PLEKHH1: variants seen among roughly 807,000 people sequenced by gnomAD.
The protein encoded by PLEKHH1 is pleckstrin homology domain-containing family H member 1.
Under a neutral mutation model 160.0 loss-of-function variants are expected in PLEKHH1, and 104 were observed. The ratio of observed to expected loss-of-function variants is 0.65; its 90% CI spans 0.55 to 0.76. The LOEUF is 0.76. PLEKHH1 is among the 30% of genes least tolerant of loss of function. The pLI, the probability that PLEKHH1 is intolerant of heterozygous loss-of-function variation, is 0.00. For missense variants in PLEKHH1, 1,427 were observed against 1,724.1 expected (o/e 0.83, Z 3.05); for synonymous variants, 619 against 678.4 (o/e 0.91, Z 1.36).
intron 1 of PLEKHH1, among the ~76,000 whole-genome samples, chr14:67,539,973 C>T (rs1045276282): frequency 2.0e-5 from 3 of 152,098 alleles, no homozygotes; most frequent in Non-Finnish European, 2.9e-5. Flanking sequence ...AGGGGAGAAG[C>T]ACGATTGGTG....
rs2036114291 is a variant in PLEKHH1, at chr14:67,585,588, G to A, written c.3720G>A (p.Lys1240=). ...FAAQPAQLSS[K]ENALVWIAVN... Reference sequence around the variant, plus strand: ...CCCAGCCTGCCCAGCTGTCTTCCAAGGAGAACGCTCTGGTGTGGATTGCTG... The same window carrying A: ...CCCAGCCTGCCCAGCTGTCTTCCAAAGAGAACGCTCTGGTGTGGATTGCTG... Residue 1240 remains lysine (K), a synonymous_variant, in exon 27 of 29, where the codon AAG becomes AAA. Transcript: ENST00000329153. The A allele has an allele frequency of 1.3e-6, 2 of 1,583,764 alleles. No individual in the cohort carries two copies. The highest frequency in any genetic ancestry group is 8.6e-7 in the Non-Finnish European group (1 of 1,163,828).
intron 21 of PLEKHH1, 168 bp from the exon 22 acceptor site, chr14:67,579,553 C>T (rs2035791147): frequency 2.9e-6 from 2 of 687,040 alleles, no homozygotes; most frequent in South Asian, 4.0e-5. Flanking sequence ...GATAAGCTCA[C>T]ATCCCTCATG....
At chr14:67,565,393 A>G (rs1345880829) in intron 7 of PLEKHH1, among the ~76,000 whole-genome samples, 2 of 152,076 alleles carry the variant, frequency 1.3e-5, no homozygotes, top group Admixed American at 1.3e-4. Context: ...ACAGGTGCAC[A>G]CCACCACACC....
At chr14:67,583,222 G>T (rs1325923670) in intron 24 of PLEKHH1, among the ~76,000 whole-genome samples, 3 of 152,128 alleles carry the variant, frequency 2.0e-5, no homozygotes. Context: ...TCTCTAGGAG[G>T]CCCTGTACTA....
Position 67,577,373 on chromosome 14 carries a change from C to A in PLEKHH1, c.2533C>A (p.Pro845Thr). Residue 845 changes from proline (P) to threonine (T), a missense_variant, in exon 18 of 29, where the codon CCC becomes ACC. Physicochemically the swap from Pro to Thr is conservative, Grantham distance 38. Transcript: ENST00000329153. ...DGLYASLTTLPSEALQTEALK... is the reference protein window; with the variant it reads ...DGLYASLTTLTSEALQTEALK... ...CCTATACGCCTCCCTCACCACCCTG[C>A]CCTCTGAGGCCTTGCAGACGGAGGC... The A allele has an allele frequency of 6.3e-7, 1 of 1,591,374 alleles. No individual in the cohort carries two copies. The highest frequency in any genetic ancestry group is 8.6e-7 in the Non-Finnish European group (1 of 1,169,350).
chr14:67,570,321 C>T, intron 9 of PLEKHH1: 1 of 1,085,832 alleles, frequency 9.2e-7, no homozygotes, highest in Non-Finnish European at 1.1e-6. Flanking sequence ...CAGTGGGGCT[C>T]CTTCTAGAAT....
chr14:67,579,963 C>A, intron 22 of PLEKHH1, 87 bp downstream of exon 22: 2 of 1,276,242 alleles, frequency 1.6e-6, no homozygotes, highest in Non-Finnish European at 2.2e-6. Flanking sequence ...GGGTGTCTGA[C>A]TGTTTGGTAG....
At position 67,579,714 on chromosome 14, in the gene PLEKHH1, G is replaced by C. The variant is rs527596573; in HGVS notation, c.3028-7G>C. 2 of 1,611,294 alleles carry C rather than the reference G, an allele frequency of 1.2e-6. No individual in the cohort carries two copies. The highest frequency in any genetic ancestry group is 1.7e-6 in the Non-Finnish European group (2 of 1,178,930). The stretch of plus-strand genomic sequence containing the variant: ...CACTCAGGGTTGGAACTCTTCTCCC[G>C]CCTCAGGTGGTTGGTTTTGACGGCT... On this transcript the variant is annotated splice_polypyrimidine_tract_variant and splice_region_variant and intron_variant, in intron 21 of 28. Transcript: ENST00000329153.
rs1311957457 is a variant in PLEKHH1, at chr14:67,582,031, C to T, written c.3285-38C>T. The T allele has an allele frequency of 1.9e-6, 3 of 1,584,926 alleles. No individual in the cohort carries two copies. Among genetic ancestry groups the T allele is most frequent in the Non-Finnish European group, 2.6e-6 (3 of 1,164,362 alleles). On this transcript the variant is annotated intron_variant, in intron 23 of 28. Transcript: ENST00000329153. The surrounding 1 kb of genome is among the most constrained non-coding windows in gnomAD (Gnocchi z 5.0). The stretch of plus-strand genomic sequence containing the variant: ...AGAAAGCCCCATCCCTGTTTGGAAT[C>T]CCTGCTGAGTCCTGGTTTCTTATTC...
chr14:67,544,884 T>C (rs1417822688), intron 2 of PLEKHH1, among the ~76,000 whole-genome samples: 1 of 152,234 alleles, frequency 6.6e-6, no homozygotes, highest in African/African-American at 2.4e-5. Context: ...GACAAGGTCC[T>C]GTATCTATCA....
chr14:67,568,734 A>G (rs1435752781), intron 7 of PLEKHH1, among the ~76,000 whole-genome samples: 1 of 151,982 alleles, frequency 6.6e-6, no homozygotes, highest in Non-Finnish European at 1.5e-5. Flanking sequence ...AATATCCCCA[A>G]CTTCTGGGGG....
Position 67,573,909 on chromosome 14 carries a change from A to C in PLEKHH1, c.1926+22A>C. The stretch of plus-strand genomic sequence containing the variant: ...TCAGGTGAGCACGCTCCTGGCTGCT[A>C]GTATTTTAAACAGAAGAGGTGCTGG... On this transcript the variant is annotated intron_variant, in intron 13 of 28. Transcript: ENST00000329153. The surrounding 1 kb of genome is among the most constrained non-coding windows in gnomAD (Gnocchi z 4.8). 6.4e-7 allele frequency: 1 copy of C among 1,567,322 alleles called. No individual in the cohort carries two copies. Among genetic ancestry groups the C allele is most frequent in the South Asian group, 1.1e-5 (1 of 90,174 alleles).
intron 2 of PLEKHH1, among the ~76,000 whole-genome samples, chr14:67,543,027 A>T (rs1222024819): frequency 2.6e-5 from 4 of 152,190 alleles, no homozygotes; most frequent in African/African-American, 9.7e-5. Flanking sequence ...TACATTCTAA[A>T]CTGCTAACTT....
intron 6 of PLEKHH1, 27 bp downstream of exon 6, chr14:67,562,062 G>C (rs1178216263): frequency 6.2e-7 from 1 of 1,610,986 alleles, no homozygotes; most frequent in East Asian, 2.2e-5. Flanking sequence ...GTGCAGGTGT[G>C]CAGTACGTGT....
rs370578357 is a variant in PLEKHH1 at position 67,562,068 on chromosome 14, C to A, written c.505+33C>A. 4 of 1,608,594 alleles carry A rather than the reference C, an allele frequency of 2.5e-6. No individual in the cohort carries two copies. The African/African-American group carries it at 4.0e-5, about 16-fold the overall frequency. On this transcript the variant is annotated intron_variant, in intron 6 of 28. Coordinates refer to ENST00000329153, the MANE Select transcript of PLEKHH1 (RefSeq NM_020715.3). ...GGCCAGGGTGTGCAGGTGTGCAGTA[C>A]GTGTGTTTGGTGGGTATGGGGCTGA...
In PLEKHH1 at chr14:67,574,966, C is replaced by T. The variant is rs1204027072; in HGVS notation, c.2089-426C>T. Reference sequence around the variant, plus strand: ...AGGCTCGCTGTGTGGCTCTGCTTCTCGTTCAATCTGTTTATGTCATTCTCC... The same window carrying T: ...AGGCTCGCTGTGTGGCTCTGCTTCTTGTTCAATCTGTTTATGTCATTCTCC... On this transcript the variant is annotated intron_variant, in intron 14 of 28. Transcript: ENST00000329153. The surrounding 1 kb of genome is among the most constrained non-coding windows in gnomAD (Gnocchi z 4.2). 1.3e-5 allele frequency among the ~76,000 whole-genome samples: 2 copies of T among 152,204 alleles called. No homozygotes were observed. The highest frequency in any genetic ancestry group is 2.9e-5 in the Non-Finnish European group (2 of 68,040).
chr14:67,540,397 C>A (rs11158683), intron 1 of PLEKHH1, among the ~76,000 whole-genome samples: 94,284 of 151,866 alleles, frequency 0.62, 29,586 homozygotes, highest in Non-Finnish European at 0.66. Context: ...AGATTGAGGC[C>A]GGTGGATCAC....
In PLEKHH1 at chr14:67,584,918, G is replaced by T. The variant is rs180906825; in HGVS notation, c.3700-650G>T. Among the ~76,000 whole-genome samples, 15 of 152,312 alleles carry T rather than the reference G, an allele frequency of 9.8e-5. No individual in the cohort carries two copies. In the East Asian group the frequency reaches 2.9e-3, roughly 29 times the overall value. ...CATATAACAGGGACCCACTTGGTCT[G>T]GGAGCTTAGGAAAAGCTTCTGAAAA... is the stretch of plus-strand genomic sequence containing the variant. On this transcript the variant is annotated intron_variant, in intron 26 of 28. Coordinates refer to ENST00000329153, the MANE Select transcript of PLEKHH1 (RefSeq NM_020715.3).
intron 4 of PLEKHH1, among the ~76,000 whole-genome samples, chr14:67,557,857 TGTC>T (rs2034656723): frequency 6.6e-6 from 1 of 152,236 alleles, no homozygotes; most frequent in African/African-American, 2.4e-5. Flanking sequence ...ATTCTGGCCT[TGTC>T]GTGCCCTGCC....
Sources: gnomAD v4.1 joint callset for allele counts (sites outside exome capture counted in the v4.1 genomes callset) on GRCh38, gnomAD v4.1.1 for gene constraint, Gnocchi (gnomAD v3.1) non-coding constraint, MANE v1.5 for transcripts, NCBI Gene and HGNC (gene_info 2026-07-23, HGNC 2026-07-21) for gene names.